TNS1: variants seen among roughly 807,000 people sequenced by gnomAD.
The protein encoded by TNS1 is tensin 1.
In TNS1, 62 loss-of-function variants were observed where a neutral mutation model predicts 168.6. The observed-to-expected ratio is 0.37, with a 90% CI of 0.30 to 0.45. TNS1 has a LOEUF of 0.45. Among genes scored for constraint, TNS1 ranks in the 20% least tolerant of loss-of-function variants. The pLI is 1.00. For missense variants in TNS1, 2,240 were observed against 2,339.4 expected (o/e 0.96, Z 0.88); for synonymous variants, 934 against 933.2 (o/e 1.00, Z -0.02).
chr2:217,835,333 G>A (rs1321466923), intron 20 of TNS1, among the ~76,000 whole-genome samples, 167 bp from the exon 21 acceptor site: 1 of 152,216 alleles, frequency 6.6e-6, no homozygotes, highest in Non-Finnish European at 1.5e-5. Flanking sequence ...GCCACAGGCA[G>A]GAGAGAAAAG....
At chr2:217,881,363 T>G in intron 17 of TNS1, 1 of 214,368 alleles carries the variant, frequency 4.7e-6, no homozygotes, top group Non-Finnish European at 9.4e-6. Flanking sequence ...GCCAAGAGAC[T>G]AGAAAGTCTG....
chr2:217,998,274 ATC>A (rs140299202), intron 1 of TNS1, among the ~76,000 whole-genome samples: 5 of 143,410 alleles, frequency 3.5e-5, no homozygotes, highest in Admixed American at 7.0e-5. Flanking sequence ...CTCCATCAGC[ATC>A]TCTCTCTCTC....
intron 12 of TNS1, among the ~76,000 whole-genome samples, chr2:217,887,756 G>A (rs1026154765): frequency 3.3e-5 from 5 of 152,224 alleles, no homozygotes; most frequent in Non-Finnish European, 5.9e-5. Flanking sequence ...AGCTGGAAGT[G>A]GATGGGGAGA....
At chr2:217,936,498 G>A (rs1410778039) in intron 3 of TNS1, among the ~76,000 whole-genome samples, 2 of 152,092 alleles carry the variant, frequency 1.3e-5, no homozygotes, top group African/African-American at 4.8e-5. Context: ...GAGATGAAGT[G>A]ACTTGGGAGA....
rs369382540 is a variant in TNS1, at chr2:217,829,393, A to G, written c.3373+2062T>C. Among the ~76,000 whole-genome samples the G allele has an allele frequency of 3.9e-5, 6 of 152,172 alleles. No individual in the cohort carries two copies. The East Asian group carries it at 9.6e-4, about 24-fold the overall frequency. On this transcript the variant is annotated intron_variant, in intron 22 of 32. Coordinates refer to ENST00000682258, the MANE Select transcript of TNS1 (RefSeq NM_001387777.1). ...AGAGCAAAACTCCATCTCAAAAAAA[A>G]AGGCGTCATTCAGGCCAAAACGTCA...
chr2:217,877,815 G>T (rs1007639915), intron 18 of TNS1, among the ~76,000 whole-genome samples: 1 of 152,162 alleles, frequency 6.6e-6, no homozygotes, highest in African/African-American at 2.4e-5. Context: ...GCCAGGAGAG[G>T]GCAAGGTGGG....
chr2:217,835,496 T>C (rs1347927816), intron 20 of TNS1, among the ~76,000 whole-genome samples: 4 of 152,220 alleles, frequency 2.6e-5, no homozygotes, highest in Admixed American at 2.6e-4. Flanking sequence ...CATCCAGATC[T>C]ACTACCCTGA....
At chr2:217,839,589 C>T (rs1423064633) in intron 19 of TNS1, among the ~76,000 whole-genome samples, 1 of 152,198 alleles carries the variant, frequency 6.6e-6, no homozygotes, top group East Asian at 1.9e-4. Flanking sequence ...CACACTCGCA[C>T]ACCCTGCAAT....
chr2:217,859,630 A>G (rs1011063796), intron 18 of TNS1: 1 of 1,535,862 alleles, frequency 6.5e-7, no homozygotes, highest in Non-Finnish European at 8.7e-7. Flanking sequence ...GTGTCTGGCC[A>G]GGTATATTGA....
At chr2:217,924,912 T>G (rs4674227) in intron 3 of TNS1, among the ~76,000 whole-genome samples, 2 of 152,214 alleles carry the variant, frequency 1.3e-5, no homozygotes, top group Admixed American at 1.3e-4. Context: ...AGTCTCATCA[T>G]AAGACCTGGG....
rs12465816 is a variant in TNS1 at position 217,974,971 on chromosome 2, C to T, written c.186+3794G>A. Among the ~76,000 whole-genome samples the T allele has an allele frequency of 2.5e-3, 382 of 152,254 alleles. 1 individual carries two copies. Among genetic ancestry groups the T allele is most frequent in the African/African-American group, 8.7e-3 (363 of 41,542 alleles). The stretch of plus-strand genomic sequence containing the variant: ...ACTGAATAAGGCTGACCTATGTAAC[C>T]AATAGGATATTGTAGAAATAACAGT... On this transcript the variant is annotated intron_variant, in intron 3 of 32. Coordinates refer to ENST00000682258, the MANE Select transcript of TNS1 (RefSeq NM_001387777.1).
At chr2:217,943,695 A>G (rs1957024001) in intron 3 of TNS1, among the ~76,000 whole-genome samples, 1 of 152,248 alleles carries the variant, frequency 6.6e-6, no homozygotes, top group East Asian at 1.9e-4. Context: ...ACCCAGAGAC[A>G]TGGGAACAGG....
intron 2 of TNS1, among the ~76,000 whole-genome samples, chr2:217,988,574 G>A (rs1467670503): frequency 6.6e-6 from 1 of 152,198 alleles, no homozygotes; most frequent in Non-Finnish European, 1.5e-5. Flanking sequence ...TCTTCGCAGG[G>A]CAGGGTGTGG....
intron 17 of TNS1, 33 bp from the exon 18 acceptor site, chr2:217,881,047 G>A (rs1053160065): frequency 6.8e-7 from 1 of 1,478,720 alleles, no homozygotes; most frequent in Non-Finnish European, 9.5e-7. Flanking sequence ...CGGCAGTCGG[G>A]GAGACAGTGC....
chr2:217,843,291 C>G (rs1192230292), intron 19 of TNS1, among the ~76,000 whole-genome samples: 1 of 152,126 alleles, frequency 6.6e-6, no homozygotes, highest in Non-Finnish European at 1.5e-5. Context: ...GGCCTGTCCC[C>G]TCTTACCTCC....
At chr2:217,842,031 C>T (rs1190752179) in intron 19 of TNS1, 2 of 702,236 alleles carry the variant, frequency 2.8e-6, no homozygotes, top group Admixed American at 2.0e-5. Context: ...GCCCTGGCCC[C>T]CAGAGTTCAA....
At chr2:217,978,260 G>A (rs945138799) in intron 3 of TNS1, among the ~76,000 whole-genome samples, 1 of 152,162 alleles carries the variant, frequency 6.6e-6, no homozygotes, top group East Asian at 1.9e-4. Flanking sequence ...GGCGGTTCCA[G>A]ACCAGCCAAT....
At chr2:217,951,585 A>T (rs1957243378) in intron 3 of TNS1, among the ~76,000 whole-genome samples, 1 of 152,114 alleles carries the variant, frequency 6.6e-6, no homozygotes, top group African/African-American at 2.4e-5. Context: ...TGGCTGGACC[A>T]CATTCCAGCA....
chr2:217,885,178 CG>C lies in TNS1; in HGVS notation c.1117-15del. On this transcript the variant is annotated splice_polypyrimidine_tract_variant and intron_variant, in intron 15 of 32. Transcript: ENST00000682258. ...GTAGCACTTCAGCTGGGTGGGAAGA[CG>C]GGCAGAACCAGTCAGGGGCCTGAGG... is the stretch of plus-strand genomic sequence containing the variant. 1 of 1,614,076 alleles carries C rather than the reference CG, an allele frequency of 6.2e-7. No homozygotes were observed. Among genetic ancestry groups the C allele is most frequent in the Non-Finnish European group, 8.5e-7 (1 of 1,179,996 alleles).
Sources: gnomAD v4.1 joint callset for allele counts (sites outside exome capture counted in the v4.1 genomes callset) on GRCh38, gnomAD v4.1.1 for gene constraint, MANE v1.5 for transcripts, NCBI Gene and HGNC (gene_info 2026-07-23, HGNC 2026-07-21) for gene names.